The following CDYL2 variants were observed in gnomAD, a reference collection of about 807,000 sequenced individuals.
CDYL2 encodes chromodomain Y-like protein 2.
CDYL2 carries 23 observed loss-of-function variants against 49.4 expected under a neutral mutation model. The ratio of observed to expected loss-of-function variants is 0.47; its 90% CI spans 0.34 to 0.66. The LOEUF (loss-of-function observed/expected upper bound fraction) is 0.66. Among genes scored for constraint, CDYL2 ranks in the 30% least tolerant of loss-of-function variants. The pLI is 0.01. For missense variants in CDYL2, 678 were observed against 656.4 expected (o/e 1.03, Z -0.36); for synonymous variants, 360 against 268.8 (o/e 1.34, Z -3.32).
intron 2 of CDYL2, among the ~76,000 whole-genome samples, chr16:80,648,907 T>A (rs1431941703): frequency 6.6e-6 from 1 of 152,174 alleles, no homozygotes; most frequent in Non-Finnish European, 1.5e-5. Context: ...TATGATTATT[T>A]CAATTGGTGC....
intron 2 of CDYL2, among the ~76,000 whole-genome samples, chr16:80,648,689 A>T (rs925822180): frequency 2.0e-5 from 3 of 151,800 alleles, no homozygotes; most frequent in African/African-American, 7.2e-5. Flanking sequence ...AAAGAAAAAA[A>T]ATAAAAAAAA....
At chr16:80,756,753 T>A (rs1289476434) in intron 1 of CDYL2, among the ~76,000 whole-genome samples, 2 of 151,906 alleles carry the variant, frequency 1.3e-5, no homozygotes, top group African/African-American at 4.8e-5. Flanking sequence ...AAAAATTAAA[T>A]AAAATATTTT....
chr16:80,766,221 G>A (rs1406464867), intron 1 of CDYL2, among the ~76,000 whole-genome samples: 2 of 152,020 alleles, frequency 1.3e-5, no homozygotes, highest in East Asian at 3.9e-4. Flanking sequence ...CTACCGAATT[G>A]CATATTTTAA....
At chr16:80,702,642 C>T (rs546258813) in intron 1 of CDYL2, among the ~76,000 whole-genome samples, 2 of 152,196 alleles carry the variant, frequency 1.3e-5, no homozygotes, top group East Asian at 3.9e-4. Flanking sequence ...CCCAGCTACT[C>T]GGGAGGCTGA....
chr16:80,701,366 AAAG>A (rs767500206), intron 1 of CDYL2, among the ~76,000 whole-genome samples: 102 of 152,340 alleles, frequency 6.7e-4, no homozygotes, highest in Non-Finnish European at 1.1e-3. Context: ...AAGAGGCCAC[AAAG>A]AAGGTCTTTC....
At chr16:80,627,943 G>A (rs1907377507) in intron 3 of CDYL2, 1 of 152,172 alleles carries the variant, frequency 6.6e-6, no homozygotes, top group Non-Finnish European at 1.5e-5. Context: ...GATCCGGCGT[G>A]GGTTTACACC....
At chr16:80,619,838 A>G (rs1014820190) in intron 4 of CDYL2, among the ~76,000 whole-genome samples, 9 of 152,300 alleles carry the variant, frequency 5.9e-5, no homozygotes, top group African/African-American at 1.9e-4. Flanking sequence ...GCATCCTAGC[A>G]TCACCTCTTA....
intron 1 of CDYL2, among the ~76,000 whole-genome samples, chr16:80,764,005 T>C (rs780141536): frequency 6.6e-6 from 1 of 151,700 alleles, no homozygotes; most frequent in African/African-American, 2.4e-5. Context: ...GGAAAAGCAC[T>C]GGAGAAATTA....
chr16:80,714,940 G>C (rs968143333), intron 1 of CDYL2, among the ~76,000 whole-genome samples: 2 of 152,090 alleles, frequency 1.3e-5, no homozygotes, highest in Admixed American at 6.5e-5. Context: ...CCCCAAGTAG[G>C]ATGTAGTCAA....
chr16:80,613,168 C>G (rs735753), intron 4 of CDYL2, among the ~76,000 whole-genome samples: 54,493 of 151,746 alleles, frequency 0.36, 12,502 homozygotes, highest in African/African-American at 0.65. Context: ...GACAGAATTT[C>G]TATATATCCT....
At chr16:80,714,846 C>G (rs1352677984) in intron 1 of CDYL2, among the ~76,000 whole-genome samples, 1 of 152,106 alleles carries the variant, frequency 6.6e-6, no homozygotes, top group East Asian at 1.9e-4. Context: ...TTTTGGAGAT[C>G]AAATGAAAGG....
intron 1 of CDYL2, among the ~76,000 whole-genome samples, chr16:80,744,688 G>T (rs1905864501): frequency 6.6e-6 from 1 of 152,160 alleles, no homozygotes; most frequent in Admixed American, 6.5e-5. Flanking sequence ...ACAGTCAAAG[G>T]CCATATAGGG....
intron 1 of CDYL2, among the ~76,000 whole-genome samples, chr16:80,727,438 G>A (rs1597102287): frequency 6.6e-6 from 1 of 152,246 alleles, no homozygotes; most frequent in East Asian, 1.9e-4. Flanking sequence ...ACATGGCTCG[G>A]AAGGTCCTAC....
intron 2 of CDYL2, among the ~76,000 whole-genome samples, chr16:80,681,916 T>TA (rs111475665): frequency 7.3e-5 from 11 of 151,680 alleles, no homozygotes; most frequent in South Asian, 4.2e-4. Flanking sequence ...TAGGAAGTCA[T>TA]AAAAAAAAAT....
At chr16:80,607,485 TG>T (rs1906392244) in intron 6 of CDYL2, among the ~76,000 whole-genome samples, 1 of 152,210 alleles carries the variant, frequency 6.6e-6, no homozygotes, top group Non-Finnish European at 1.5e-5. Flanking sequence ...GAACCAGCCC[TG>T]GGGCCGCAGG....
At chr16:80,654,451 C>G (rs998521916) in intron 2 of CDYL2, among the ~76,000 whole-genome samples, 1 of 152,214 alleles carries the variant, frequency 6.6e-6, no homozygotes, top group African/African-American at 2.4e-5. Context: ...CAACACCATT[C>G]TGGTAATATT....
chr16:80,757,226 T>C lies in CDYL2; in HGVS notation c.24+46924A>G, dbSNP rs868023823. ...AATAACTAAAAGAGAGTCACAAACA[T>C]AGCAGGCTATAAAATAAGTATTCAA... is the stretch of plus-strand genomic sequence containing the variant. On this transcript the variant is annotated intron_variant, in intron 1 of 6. Transcript: ENST00000570137. 3.3e-5 allele frequency among the ~76,000 whole-genome samples: 5 copies of C among 152,216 alleles called. No homozygotes were observed. In the South Asian group the frequency reaches 8.3e-4, roughly 25 times the overall value.
At chr16:80,625,606 C>T (rs561486140) in intron 3 of CDYL2, among the ~76,000 whole-genome samples, 24 of 152,086 alleles carry the variant, frequency 1.6e-4, no homozygotes, top group South Asian at 2.1e-4. Flanking sequence ...TTAAGAACTA[C>T]AACAAAAAGC....
At chr16:80,736,641 T>G (rs764756342) in intron 1 of CDYL2, 1 of 152,220 alleles carries the variant, frequency 6.6e-6, no homozygotes, top group Non-Finnish European at 1.5e-5. Flanking sequence ...CTGGGTATAG[T>G]GGCTCACACC....
Sources: allele counts gnomAD v4.1 joint callset (sites outside exome capture counted in the v4.1 genomes callset), GRCh38; gene constraint gnomAD v4.1.1; transcripts MANE v1.5; gene names NCBI Gene and HGNC (gene_info 2026-07-23, HGNC 2026-07-21).